Variants in GRIN2A observed in about 807,000 individuals in gnomAD.
GRIN2A encodes glutamate ionotropic receptor NMDA type subunit 2A, also known as glutamate receptor ionotropic, NMDA 2A.
A neutral mutation model predicts 113.4 loss-of-function variants in GRIN2A; 22 were observed. That is an observed-to-expected ratio of 0.19 (90% CI 0.14 to 0.28). The LOEUF is 0.28. GRIN2A is among the 10% of genes least tolerant of loss of function. The pLI is 1.00. For synonymous variants in GRIN2A, 827 were observed against 738.4 expected (o/e 1.12, Z -1.94); for missense variants, 1,502 against 1,887.0 (o/e 0.80, Z 3.78).
At chr16:9,790,824 T>G (rs1269918950) in intron 11 of GRIN2A, among the ~76,000 whole-genome samples, 1 of 152,206 alleles carries the variant, frequency 6.6e-6, no homozygotes, top group Non-Finnish European at 1.5e-5. Flanking sequence ...CATTCATTTG[T>G]TCATTCATTA....
intron 2 of GRIN2A, among the ~76,000 whole-genome samples, chr16:10,043,953 GTA>G (rs1231427998): frequency 9.4e-5 from 12 of 127,512 alleles, no homozygotes; most frequent in African/African-American, 3.0e-4. Context: ...ACATATATAT[GTA>G]TATATATACA....
chr16:9,956,689 G>A (rs1467503376), intron 2 of GRIN2A, among the ~76,000 whole-genome samples: 2 of 152,152 alleles, frequency 1.3e-5, no homozygotes, highest in Non-Finnish European at 2.9e-5. Context: ...GTGTAAAATT[G>A]CCATTGAAAT....
intron 2 of GRIN2A, among the ~76,000 whole-genome samples, chr16:10,069,844 T>G (rs200871997): frequency 6.6e-6 from 1 of 152,188 alleles, no homozygotes; most frequent in Non-Finnish European, 1.5e-5. Context: ...CAGTGAAGGA[T>G]AGATCCCACG....
intron 2 of GRIN2A, among the ~76,000 whole-genome samples, chr16:9,963,220 G>A (rs1242398443): frequency 1.3e-5 from 2 of 151,500 alleles, no homozygotes; most frequent in Non-Finnish European, 2.9e-5. Context: ...GTATACATAT[G>A]TAACAAACCT....
intron 2 of GRIN2A, among the ~76,000 whole-genome samples, chr16:10,106,443 A>G (rs1334048583): frequency 1.3e-5 from 2 of 152,014 alleles, no homozygotes; most frequent in South Asian, 2.1e-4. Context: ...ATAAATAAAA[A>G]TAAGAAAAAC....
intron 10 of GRIN2A, among the ~76,000 whole-genome samples, chr16:9,809,676 T>A (rs2042049023): frequency 6.6e-6 from 1 of 152,166 alleles, no homozygotes; most frequent in African/African-American, 2.4e-5. Context: ...TGTGCCTGCG[T>A]CATGACTTAA....
intron 2 of GRIN2A, among the ~76,000 whole-genome samples, chr16:10,058,570 C>T (rs1229894444): frequency 6.6e-6 from 1 of 152,166 alleles, no homozygotes; most frequent in Admixed American, 6.5e-5. Context: ...GCTGCTATTA[C>T]TGTGATTTCT....
At chr16:10,115,672 T>A (rs2048717169) in intron 2 of GRIN2A, among the ~76,000 whole-genome samples, 1 of 152,208 alleles carries the variant, frequency 6.6e-6, no homozygotes, top group South Asian at 2.1e-4. Flanking sequence ...AGACCCAACT[T>A]GGCTTCCGCA....
chr16:9,845,789 C>T (rs141453298), intron 5 of GRIN2A, among the ~76,000 whole-genome samples: 1 of 152,184 alleles, frequency 6.6e-6, no homozygotes, highest in Non-Finnish European at 1.5e-5. Flanking sequence ...ACCCCACATA[C>T]CCCGATGTAC....
chr16:10,103,494 C>A (rs916090807), intron 2 of GRIN2A, among the ~76,000 whole-genome samples: 1 of 152,160 alleles, frequency 6.6e-6, no homozygotes, highest in Non-Finnish European at 1.5e-5. Flanking sequence ...TTACTAACCC[C>A]CAAAATATTT....
At position 9,764,753 on chromosome 16, in the gene GRIN2A, T is replaced by G. The variant is rs1393475387; in HGVS notation, c.2791A>C (p.Ile931Leu). The change falls in exon 13 of 13, where the codon ATC (isoleucine) becomes CTC (leucine). Residue 931 changes from isoleucine to leucine, a missense_variant. Physicochemically the swap from Ile to Leu is conservative, Grantham distance 5. This residue lies in a region of GRIN2A where 832 missense variants were observed against 789.7 expected (regional missense o/e 1.05). Transcript: ENST00000330684. ...AADFIQRGSL[I>L]MDMVSDKGNL... Reference sequence around the variant, plus strand: ...CCCTTATCTGAAACCATGTCCATGATGAGGGAACCTCTTTGGATGAAGTCA... The same window carrying G: ...CCCTTATCTGAAACCATGTCCATGAGGAGGGAACCTCTTTGGATGAAGTCA... 1.2e-6 allele frequency: 2 copies of G among 1,614,236 alleles called. No homozygotes were observed. The highest frequency in any genetic ancestry group is 2.2e-5 in the East Asian group (1 of 44,886).
chr16:9,832,017 C>T (rs1349199172), intron 8 of GRIN2A, among the ~76,000 whole-genome samples: 1 of 152,134 alleles, frequency 6.6e-6, no homozygotes, highest in Non-Finnish European at 1.5e-5. Context: ...CTCCTGGGCT[C>T]AAGTAATTCT....
At chr16:10,044,924 T>G (rs145912350) in intron 2 of GRIN2A, among the ~76,000 whole-genome samples, 173 of 152,278 alleles carry the variant, frequency 1.1e-3, no homozygotes, top group African/African-American at 3.7e-3. Flanking sequence ...ATCTATTTAG[T>G]CAAGGGTTAA....
chr16:10,008,612 C>T (rs185652009), intron 2 of GRIN2A, among the ~76,000 whole-genome samples: 23 of 152,330 alleles, frequency 1.5e-4, no homozygotes, highest in African/African-American at 5.3e-4. Flanking sequence ...CAGTTCCACA[C>T]ATAGGTAACT....
At chr16:10,081,073 A>C (rs1275687116) in intron 2 of GRIN2A, among the ~76,000 whole-genome samples, 5 of 152,210 alleles carry the variant, frequency 3.3e-5, no homozygotes, top group Non-Finnish European at 4.4e-5. Flanking sequence ...CAACTGCAGA[A>C]GAGAGTGACA....
intron 3 of GRIN2A, among the ~76,000 whole-genome samples, chr16:9,930,177 A>G (rs1034382300): frequency 6.6e-6 from 1 of 152,190 alleles, no homozygotes; most frequent in African/African-American, 2.4e-5. Context: ...CATCAGGCCT[A>G]GATCAAGCTG....
At chr16:10,164,803 T>A (rs922780594) in intron 2 of GRIN2A, among the ~76,000 whole-genome samples, 1 of 152,254 alleles carries the variant, frequency 6.6e-6, no homozygotes, top group Admixed American at 6.5e-5. Flanking sequence ...ACCTAGGGAA[T>A]ATAAAAGCGA....
At chr16:10,087,019 G>A (rs559152926) in intron 2 of GRIN2A, among the ~76,000 whole-genome samples, 1 of 152,314 alleles carries the variant, frequency 6.6e-6, no homozygotes, top group South Asian at 2.1e-4. Context: ...TTGGGGAGGA[G>A]GAACAAGGAG....
chr16:10,044,755 C>T (rs1269259519), intron 2 of GRIN2A, among the ~76,000 whole-genome samples: 1 of 151,478 alleles, frequency 6.6e-6, no homozygotes, highest in African/African-American at 2.4e-5. Flanking sequence ...AGCTCTCATC[C>T]CACGACATTC....
Sources: gnomAD v4.1 joint callset for allele counts (sites outside exome capture counted in the v4.1 genomes callset) on GRCh38, gnomAD v4.1.1 for gene constraint, gnomAD v4.1.1 regional missense constraint, MANE v1.5 for transcripts, NCBI Gene and HGNC (gene_info 2026-07-23, HGNC 2026-07-21) for gene names.